Variants in IQCM observed in about 807,000 individuals in gnomAD.
IQCM encodes IQ domain-containing protein M.
In IQCM, 45 loss-of-function variants were observed where a neutral mutation model predicts 57.6. The ratio of observed to expected loss-of-function variants is 0.78; its 90% confidence interval spans 0.62 to 1.00. The LOEUF is 1.00. IQCM is among the 50% of genes least tolerant of loss of function. The probability of loss-of-function intolerance (pLI) is 0.00; values close to 1 mark genes in which losing one functional copy is unlikely to be tolerated. For missense variants in IQCM, 468 were observed against 511.6 expected, an observed-to-expected ratio of 0.91 and a Z score of 0.82; for synonymous variants, 148 against 158.9, an observed-to-expected ratio of 0.93 and a Z score of 0.51.
Position 149,368,791 on chromosome 4 carries a change from T to C in IQCM, c.1391-16725A>G, listed in dbSNP as rs1222074086. On this transcript the variant is annotated intron_variant, in intron 13 of 13. Coordinates refer to ENST00000636793, the MANE Select transcript of IQCM (RefSeq NM_001363507.2). ...ATATACATATATATACATGTATATA[T>C]ATACATATATATACATGTATATATA... Among the ~76,000 whole-genome samples, 8 of 113,448 alleles carry C rather than the reference T, an allele frequency of 7.1e-5. 1 individual carries two copies. Among genetic ancestry groups the C allele is most frequent in the Non-Finnish European group, 1.3e-4 (7 of 52,814 alleles). 74.4% of individuals were successfully genotyped at this position (113,448 alleles called of 152,430 possible).
chr4:149,619,107 G>GATATATAT (rs70965194), intron 8 of IQCM, among the ~76,000 whole-genome samples: 1,903 of 126,678 alleles, frequency 0.015, 51 homozygotes, highest in South Asian at 0.11. Context: ...ATGTGGGATG[G>GATATATAT]ATATATATAT....
At chr4:149,598,420 T>C (rs1424699673) in intron 8 of IQCM, among the ~76,000 whole-genome samples, 1 of 151,946 alleles carries the variant, frequency 6.6e-6, no homozygotes, top group Non-Finnish European at 1.5e-5. Context: ...AAAATATAAA[T>C]GCCAAGCTAG....
chr4:149,582,336 A>AG, intron 9 of IQCM, among the ~76,000 whole-genome samples: 1 of 40,972 alleles, frequency 2.4e-5, no homozygotes, highest in Non-Finnish European at 6.6e-5. Context: ...ATATATATAT[A>AG]TATATATATA....
chr4:149,586,362 G>A (rs888264484), intron 9 of IQCM, among the ~76,000 whole-genome samples: 4 of 151,428 alleles, frequency 2.6e-5, no homozygotes, highest in African/African-American at 9.7e-5. Context: ...CAAAAAACTA[G>A]ACTACTTCCT....
chr4:149,454,280 C>G (rs927758688), intron 12 of IQCM, among the ~76,000 whole-genome samples: 4 of 151,432 alleles, frequency 2.6e-5, no homozygotes, highest in African/African-American at 9.7e-5. Context: ...TGAAATACTA[C>G]ACAGCCATAA....
chr4:149,523,713 TTGAC>T (rs906672365), intron 12 of IQCM, among the ~76,000 whole-genome samples: 1 of 152,040 alleles, frequency 6.6e-6, no homozygotes, highest in African/African-American at 2.4e-5. Flanking sequence ...AACTGATTGG[TTGAC>T]TGACTGATAG....
At chr4:149,785,181 T>C (rs1164073815) in intron 2 of IQCM, among the ~76,000 whole-genome samples, 1 of 152,208 alleles carries the variant, frequency 6.6e-6, no homozygotes, top group Non-Finnish European at 1.5e-5. Flanking sequence ...CCTTCATACC[T>C]GTTCATAGCA....
Position 149,678,681 on chromosome 4 carries a change from G to C in IQCM, c.565+3437C>G, listed in dbSNP as rs1303200125. Among the ~76,000 whole-genome samples the C allele has an allele frequency of 2.6e-5, 4 of 151,528 alleles. No individual in the cohort carries two copies. The East Asian group carries it at 7.8e-4, about 29-fold the overall frequency. On this transcript the variant is annotated intron_variant, in intron 7 of 13. Transcript: ENST00000636793. Reference sequence around the variant, plus strand: ...TGCAATCCACTAATAAATAAATCTAGTATGAAGTCCTAAAGACAAATCTAG... The same window carrying C: ...TGCAATCCACTAATAAATAAATCTACTATGAAGTCCTAAAGACAAATCTAG...
intron 2 of IQCM, among the ~76,000 whole-genome samples, chr4:149,787,191 A>T (rs748856384): frequency 1.3e-5 from 2 of 151,950 alleles, no homozygotes; most frequent in Non-Finnish European, 2.9e-5. Context: ...GGGGGTGGGA[A>T]CTTAGAGGAC....
intron 7 of IQCM, among the ~76,000 whole-genome samples, chr4:149,649,615 A>AC (rs1758972219): frequency 6.6e-6 from 1 of 152,234 alleles, no homozygotes; most frequent in African/African-American, 2.4e-5. Flanking sequence ...AACTGAAATA[A>AC]TTACCTCATT....
At chr4:149,577,436 A>G (rs913937150) in intron 9 of IQCM, among the ~76,000 whole-genome samples, 3 of 151,798 alleles carry the variant, frequency 2.0e-5, no homozygotes, top group Non-Finnish European at 4.4e-5. Flanking sequence ...TCCAGTTTTA[A>G]TCTCCTACAT....
At chr4:149,594,479 ATTTCTTGCCT>A (rs926299897) in intron 8 of IQCM, among the ~76,000 whole-genome samples, 5 of 151,806 alleles carry the variant, frequency 3.3e-5, no homozygotes, top group African/African-American at 1.2e-4. Context: ...GATCTTAGTT[ATTTCTTGCCT>A]TCTGCTAGCT....
At chr4:149,431,267 A>G (rs989000636) in intron 13 of IQCM, among the ~76,000 whole-genome samples, 2 of 151,990 alleles carry the variant, frequency 1.3e-5, no homozygotes, top group Non-Finnish European at 2.9e-5. Context: ...TGTATTTACC[A>G]TTTTATATTT....
chr4:149,578,101 A>G (rs1751835756), intron 9 of IQCM, among the ~76,000 whole-genome samples: 1 of 151,732 alleles, frequency 6.6e-6, no homozygotes, highest in Non-Finnish European at 1.5e-5. Context: ...AGTTTATCAG[A>G]TCACGGAACC....
chr4:149,518,397 T>C (rs1050283483), intron 12 of IQCM, among the ~76,000 whole-genome samples: 2 of 152,220 alleles, frequency 1.3e-5, no homozygotes, highest in Non-Finnish European at 2.9e-5. Flanking sequence ...CTATTTAAGT[T>C]TATTCCTTTG....
At chr4:149,731,886 A>C (rs2149884654) in intron 5 of IQCM, among the ~76,000 whole-genome samples, 1 of 152,316 alleles carries the variant, frequency 6.6e-6, no homozygotes, top group African/African-American at 2.4e-5. Flanking sequence ...TTTCTAACCA[A>C]AGAACCCTTT....
chr4:149,559,064 C>G (rs1579487939), intron 10 of IQCM, among the ~76,000 whole-genome samples: 1 of 152,112 alleles, frequency 6.6e-6, no homozygotes, highest in East Asian at 1.9e-4. Flanking sequence ...AGACAAGAAC[C>G]TGGGAATCAT....
intron 8 of IQCM, among the ~76,000 whole-genome samples, chr4:149,603,132 A>G (rs1308812722): frequency 6.6e-6 from 1 of 152,136 alleles, no homozygotes; most frequent in Non-Finnish European, 1.5e-5. Flanking sequence ...AAATATATTA[A>G]TCTATATAGA....
intron 13 of IQCM, among the ~76,000 whole-genome samples, chr4:149,404,627 C>A (rs751166470): frequency 1.6e-4 from 25 of 151,908 alleles, no homozygotes; most frequent in Non-Finnish European, 2.9e-4. Context: ...AGAAGTCTAG[C>A]AGCTGGTGAA....
Sources: gnomAD v4.1 joint callset for allele counts (sites outside exome capture counted in the v4.1 genomes callset) on GRCh38, gnomAD v4.1.1 for gene constraint, MANE v1.5 for transcripts, NCBI Gene and HGNC (gene_info 2026-07-23, HGNC 2026-07-21) for gene names.